COX7B2: variants seen among roughly 807,000 people sequenced by gnomAD.
The protein encoded by COX7B2 is cytochrome c oxidase subunit 7B2, mitochondrial.
For synonymous variants in COX7B2, 37 were observed against 32.1 expected, an observed-to-expected ratio of 1.15 and a Z score of -0.51; for missense variants, 109 against 95.9, an observed-to-expected ratio of 1.14 and a Z score of -0.57.
chr4:46,815,925 T>C (rs1394675608), intron 2 of COX7B2, among the ~76,000 whole-genome samples: 2 of 152,162 alleles, frequency 1.3e-5, no homozygotes, highest in African/African-American at 2.4e-5. Flanking sequence ...AAAATACCAA[T>C]GCTTATAAGA....
intron 2 of COX7B2, among the ~76,000 whole-genome samples, chr4:46,831,263 G>A (rs1373133721): frequency 6.6e-6 from 1 of 152,162 alleles, no homozygotes; most frequent in Non-Finnish European, 1.5e-5. Flanking sequence ...CCAGGCCTTA[G>A]CTGCCTCCCC....
rs1029595637 is a variant in COX7B2, at chr4:46,762,348, T to C, written c.-49-27107A>G. 3.0e-4 allele frequency among the ~76,000 whole-genome samples: 31 copies of C among 101,778 alleles called. No individual in the cohort carries two copies. The South Asian group carries it at 0.011, about 36-fold the overall frequency. The allele number at this position is 101,778 out of a possible 152,430, so 66.8% of individuals were successfully genotyped here. A position where few individuals can be genotyped will look rare whatever the true frequency, so the allele number is the denominator to read the frequency against. Reference sequence around the variant, plus strand: ...TTTACTATATATTAATATATATTTATATATACTATACATGTATATATACAC... The same window carrying C: ...TTTACTATATATTAATATATATTTACATATACTATACATGTATATATACAC... On this transcript the variant is annotated intron_variant, in intron 2 of 2. Coordinates refer to ENST00000355591, the MANE Select transcript of COX7B2 (RefSeq NM_130902.3).
intron 2 of COX7B2, among the ~76,000 whole-genome samples, chr4:46,814,816 A>T (rs1391844029): frequency 1.3e-5 from 2 of 152,214 alleles, no homozygotes; most frequent in African/African-American, 4.8e-5. Context: ...GTATCTGTTG[A>T]TTAAAAAATT....
At chr4:46,784,573 C>T (rs1381410539) in intron 2 of COX7B2, among the ~76,000 whole-genome samples, 3 of 152,052 alleles carry the variant, frequency 2.0e-5, no homozygotes, top group Non-Finnish European at 4.4e-5. Context: ...TGCAGTGAGC[C>T]AAGATAGCAC....
At chr4:46,759,497 T>A (rs1233330508) in intron 2 of COX7B2, among the ~76,000 whole-genome samples, 2 of 151,556 alleles carry the variant, frequency 1.3e-5, no homozygotes, top group Non-Finnish European at 2.9e-5. Context: ...TTAAATAAAT[T>A]TACAAGAAAA....
chr4:46,768,134 G>A (rs529220803), intron 2 of COX7B2, among the ~76,000 whole-genome samples: 8 of 152,372 alleles, frequency 5.3e-5, no homozygotes, highest in Admixed American at 3.3e-4. Context: ...TGGAGAGTCA[G>A]TGTGACAGCC....
intron 2 of COX7B2, among the ~76,000 whole-genome samples, chr4:46,844,421 C>T (rs1716131090): frequency 6.6e-6 from 1 of 151,770 alleles, no homozygotes; most frequent in African/African-American, 2.4e-5. Flanking sequence ...CAAGTCAACC[C>T]GGCAAAAAAG....
intron 2 of COX7B2, among the ~76,000 whole-genome samples, chr4:46,837,798 C>T (rs1428167252): frequency 6.6e-6 from 1 of 151,952 alleles, no homozygotes; most frequent in Non-Finnish European, 1.5e-5. Flanking sequence ...CCTATACTGC[C>T]TTATGCTGTT....
At chr4:46,788,139 T>C (rs1251657640) in intron 2 of COX7B2, among the ~76,000 whole-genome samples, 3 of 152,102 alleles carry the variant, frequency 2.0e-5, no homozygotes, top group Non-Finnish European at 4.4e-5. Flanking sequence ...AGAGTAGTAG[T>C]AGAGTAAAAC....
At chr4:46,808,725 G>C (rs1719134837) in intron 2 of COX7B2, among the ~76,000 whole-genome samples, 1 of 151,720 alleles carries the variant, frequency 6.6e-6, no homozygotes, top group African/African-American at 2.4e-5. Context: ...TACCTAAACT[G>C]TTGAGCATAT....
chr4:46,775,099 G>T (rs1366095232), intron 2 of COX7B2, among the ~76,000 whole-genome samples: 1 of 152,046 alleles, frequency 6.6e-6, no homozygotes, highest in Non-Finnish European at 1.5e-5. Flanking sequence ...GACATTGTAA[G>T]TGATACTGCT....
chr4:46,810,645 T>C (rs1437064673), intron 2 of COX7B2, among the ~76,000 whole-genome samples: 1 of 152,148 alleles, frequency 6.6e-6, no homozygotes, highest in Non-Finnish European at 1.5e-5. Context: ...TTTTGACTTT[T>C]AACCTTCATA....
At chr4:46,760,656 A>G (rs1350045138) in intron 2 of COX7B2, among the ~76,000 whole-genome samples, 1 of 152,242 alleles carries the variant, frequency 6.6e-6, no homozygotes, top group African/African-American at 2.4e-5. Context: ...GTGTATACCT[A>G]CGTAACAAAC....
At chr4:46,899,017 A>C (rs1719929248) in intron 1 of COX7B2, among the ~76,000 whole-genome samples, 2 of 152,154 alleles carry the variant, frequency 1.3e-5, no homozygotes, top group South Asian at 2.1e-4. Flanking sequence ...TGGAGAAAAA[A>C]ATTAACAAAT....
chr4:46,806,312 CTAA>C (rs1249015990), intron 2 of COX7B2, among the ~76,000 whole-genome samples: 2 of 151,312 alleles, frequency 1.3e-5, no homozygotes, highest in African/African-American at 4.9e-5. Flanking sequence ...AAAAACAATA[CTAA>C]TGACAGACCT....
intron 2 of COX7B2, among the ~76,000 whole-genome samples, chr4:46,842,578 T>A (rs1220878335): frequency 1.4e-5 from 2 of 142,028 alleles, no homozygotes; most frequent in Non-Finnish European, 3.1e-5. Context: ...CAGTCCCCGG[T>A]GTGTGATGTT....
At chr4:46,890,448 C>A (rs1265536562) in intron 1 of COX7B2, among the ~76,000 whole-genome samples, 1 of 152,090 alleles carries the variant, frequency 6.6e-6, no homozygotes, top group African/African-American at 2.4e-5. Context: ...GTTCCTATGC[C>A]AAAACATTTT....
intron 2 of COX7B2, among the ~76,000 whole-genome samples, chr4:46,819,260 G>A (rs1232186355): frequency 2.0e-5 from 3 of 152,070 alleles, no homozygotes; most frequent in African/African-American, 4.8e-5. Context: ...ACCCTTTAGC[G>A]GAACCACCTC....
At position 46,900,324 on chromosome 4, in the gene COX7B2, TTA is replaced by T. The variant is rs561978721; in HGVS notation, c.-105+8834_-105+8835del. ...GTGCTGGAGTTAGGAATCATGCCCA[TTA>T]TGTTTCCAAGGATACCCTTGCAGAA... On this transcript the variant is annotated intron_variant, in intron 1 of 2. Transcript: ENST00000355591. Among the ~76,000 whole-genome samples the T allele has an allele frequency of 9.9e-5, 15 of 152,280 alleles. No homozygotes were observed. The South Asian group carries it at 2.9e-3, about 29-fold the overall frequency.
Sources: gnomAD v4.1 joint callset for allele counts (sites outside exome capture counted in the v4.1 genomes callset) on GRCh38, gnomAD v4.1.1 for gene constraint, MANE v1.5 for transcripts, NCBI Gene and HGNC (gene_info 2026-07-23, HGNC 2026-07-21) for gene names.